FHOD3: variants seen among roughly 807,000 people sequenced by gnomAD.
FHOD3 encodes the protein formin homology 2 domain containing 3.
A neutral mutation model predicts 173.0 loss-of-function variants in FHOD3; 90 were observed. The observed-to-expected ratio is 0.52, with a 90% CI of 0.44 to 0.62. The LOEUF (loss-of-function observed/expected upper bound fraction) is 0.62. Ranked by LOEUF, FHOD3 falls within the 20% of genes least tolerant of loss-of-function variation. The probability of loss-of-function intolerance (pLI) is 0.00; values close to 1 mark genes in which losing one functional copy is unlikely to be tolerated. For synonymous variants in FHOD3, 828 were observed against 823.0 expected, an observed-to-expected ratio of 1.01 and a Z score of -0.10; for missense variants, 1,945 against 2,034.7, an observed-to-expected ratio of 0.96 and a Z score of 0.85.
At chr18:36,308,015 T>C (rs1356163071) in intron 1 of FHOD3, among the ~76,000 whole-genome samples, 1 of 152,172 alleles carries the variant, frequency 6.6e-6, no homozygotes, top group Non-Finnish European at 1.5e-5. Flanking sequence ...TCTATGTATG[T>C]ACCATGATCC....
intron 4 of FHOD3, among the ~76,000 whole-genome samples, chr18:36,504,364 A>T (rs1002189212): frequency 6.6e-6 from 1 of 152,162 alleles, no homozygotes; most frequent in African/African-American, 2.4e-5. Context: ...TCCGAATACC[A>T]TTAAAAGTAT....
intron 17 of FHOD3, among the ~76,000 whole-genome samples, chr18:36,706,092 G>T (rs1022006076): frequency 1.7e-4 from 26 of 151,942 alleles, no homozygotes; most frequent in Non-Finnish European, 4.4e-5. Context: ...GGCTGTCCTG[G>T]GTGCTTCCTG....
intron 3 of FHOD3, among the ~76,000 whole-genome samples, chr18:36,469,765 G>T (rs1287832620): frequency 6.7e-6 from 1 of 149,030 alleles, no homozygotes; most frequent in Admixed American, 6.6e-5. Context: ...GTTCAAAGTT[G>T]TTCCGGAGTT....
intron 27 of FHOD3, among the ~76,000 whole-genome samples, chr18:36,763,479 T>C (rs1379850937): frequency 0.015 from 2,003 of 130,522 alleles, 409 homozygotes; most frequent in Non-Finnish European, 0.024. Context: ...TATATAATAT[T>C]GTATTATACA....
At chr18:36,376,675 A>G (rs1367906875) in intron 3 of FHOD3, among the ~76,000 whole-genome samples, 1 of 152,230 alleles carries the variant, frequency 6.6e-6, no homozygotes, top group Non-Finnish European at 1.5e-5. Context: ...CAAGAAAATG[A>G]TATGAGAGAA....
At chr18:36,312,065 C>T (rs2092270617) in intron 1 of FHOD3, among the ~76,000 whole-genome samples, 1 of 152,222 alleles carries the variant, frequency 6.6e-6, no homozygotes, top group South Asian at 2.1e-4. Context: ...CCTGTACCCT[C>T]CCAGTTCCTG....
intron 10 of FHOD3, among the ~76,000 whole-genome samples, chr18:36,640,877 G>A (rs2035255617): frequency 6.6e-6 from 1 of 152,196 alleles, no homozygotes; most frequent in South Asian, 2.1e-4. Context: ...GATGAAAACA[G>A]TTTAGATTCT....
At chr18:36,720,268 T>TG (rs2040691080) in intron 19 of FHOD3, among the ~76,000 whole-genome samples, 1 of 145,246 alleles carries the variant, frequency 6.9e-6, no homozygotes, top group South Asian at 2.2e-4. Context: ...GGCAGAGTCT[T>TG]GCTCTGTCGC....
chr18:36,600,498 C>T (rs973319806), intron 7 of FHOD3, among the ~76,000 whole-genome samples: 1 of 151,946 alleles, frequency 6.6e-6, no homozygotes, highest in African/African-American at 2.4e-5. Flanking sequence ...ATTTTCTGCC[C>T]CAAAACAATA....
chr18:36,454,661 AT>A (rs3058099), intron 3 of FHOD3, among the ~76,000 whole-genome samples: 313 of 146,000 alleles, frequency 2.1e-3, no homozygotes, highest in African/African-American at 5.7e-3. Flanking sequence ...TGTCCGTTCC[AT>A]TTTTTTTTTT....
intron 1 of FHOD3, among the ~76,000 whole-genome samples, chr18:36,327,993 A>G (rs902175338): frequency 6.6e-6 from 1 of 152,098 alleles, no homozygotes; most frequent in African/African-American, 2.4e-5. Flanking sequence ...AAGCCCCCCC[A>G]CAACCTTAGG....
intron 3 of FHOD3, among the ~76,000 whole-genome samples, chr18:36,471,155 G>A (rs2053262048): frequency 6.6e-6 from 1 of 152,202 alleles, no homozygotes; most frequent in African/African-American, 2.4e-5. Flanking sequence ...GGGAAGATGA[G>A]GATGCTCCTC....
intron 3 of FHOD3, among the ~76,000 whole-genome samples, chr18:36,373,229 C>T (rs1322785865): frequency 6.6e-6 from 1 of 152,152 alleles, no homozygotes; most frequent in Non-Finnish European, 1.5e-5. Context: ...TTCAGAATGG[C>T]TTGCTGCGGG....
chr18:36,482,835 ACACACACACACT>A (rs796163824), intron 3 of FHOD3, among the ~76,000 whole-genome samples: 14 of 78,744 alleles, frequency 1.8e-4, no homozygotes, highest in African/African-American at 7.7e-4. Flanking sequence ...ACACACACAC[ACACACACACACT>A]CACACACACA....
chr18:36,588,880 C>A (rs919035054), intron 6 of FHOD3, among the ~76,000 whole-genome samples: 1 of 152,208 alleles, frequency 6.6e-6, no homozygotes, highest in Non-Finnish European at 1.5e-5. Context: ...ACAGCAAGAA[C>A]AAGGCTCTTT....
chr18:36,453,542 C>G (rs1425532000), intron 3 of FHOD3, among the ~76,000 whole-genome samples: 1 of 152,264 alleles, frequency 6.6e-6, no homozygotes, highest in Non-Finnish European at 1.5e-5. Flanking sequence ...GCTTCAGACC[C>G]AGTTTTTGCT....
intron 18 of FHOD3, among the ~76,000 whole-genome samples, chr18:36,716,231 G>A (rs2040442724): frequency 6.6e-6 from 1 of 152,266 alleles, no homozygotes; most frequent in Non-Finnish European, 1.5e-5. Flanking sequence ...CGCCCCTGCA[G>A]TACTGCAGGC....
At chr18:36,535,280 A>G (rs550220520) in intron 5 of FHOD3, among the ~76,000 whole-genome samples, 4 of 152,336 alleles carry the variant, frequency 2.6e-5, no homozygotes, top group South Asian at 2.1e-4. Flanking sequence ...AAGATCCAGA[A>G]TGAGTCCTTA....
chr18:36,429,430 G>A (rs1019311042), intron 3 of FHOD3, among the ~76,000 whole-genome samples: 20 of 152,282 alleles, frequency 1.3e-4, no homozygotes, highest in Middle Eastern at 6.8e-3. Flanking sequence ...CTCCAGGTAC[G>A]GGTGGGGGCA....
Sources: allele counts gnomAD v4.1 joint callset (sites outside exome capture counted in the v4.1 genomes callset), GRCh38; gene constraint gnomAD v4.1.1; transcripts MANE v1.5; gene names NCBI Gene and HGNC (gene_info 2026-07-23, HGNC 2026-07-21).